Variants in COL5A3 observed in about 807,000 individuals in gnomAD.
COL5A3 encodes the protein collagen type V alpha 3 chain, also known as collagen alpha-3(V) chain.
COL5A3 carries 172 observed loss-of-function variants against 250.0 expected under a neutral mutation model. The observed-to-expected ratio is 0.69, with a 90% CI of 0.61 to 0.78. The LOEUF is 0.78. COL5A3 is among the 30% of genes least tolerant of loss of function. COL5A3 has a pLI of 0.00. For synonymous variants in COL5A3, 937 were observed against 900.4 expected, an observed-to-expected ratio of 1.04 and a Z score of -0.73; for missense variants, 2,340 against 2,334.4, an observed-to-expected ratio of 1.00 and a Z score of -0.05.
intron 10 of COL5A3, 101 bp from the exon 11 acceptor site, chr19:9,997,534 C>T: frequency 1.4e-6 from 1 of 715,552 alleles, no homozygotes; most frequent in Non-Finnish European, 2.3e-6. Flanking sequence ...ACCTCCCTAC[C>T]CCACTACAGA....
chr19:9,996,481 T>TG lies in COL5A3; in HGVS notation c.1373dup (p.Val459SerfsTer89). ...GAGCCTGGGCCTGCTGGAATGAGACTGGGGGGCCTTTAAAGGAGCCGCCTG... is the reference window on the plus strand; with the variant it reads ...GAGCCTGGGCCTGCTGGAATGAGACTGGGGGGGCCTTTAAAGGAGCCGCCTG... On this transcript the variant is annotated frameshift_variant, in exon 13 of 67. Coordinates refer to ENST00000264828, the MANE Select transcript of COL5A3 (RefSeq NM_015719.4). LOFTEE classifies it high-confidence loss of function. 2 of 1,614,018 alleles carry TG rather than the reference T, an allele frequency of 1.2e-6. No homozygotes were observed. The highest frequency in any genetic ancestry group is 1.7e-6 in the Non-Finnish European group (2 of 1,179,984).
intron 64 of COL5A3, among the ~76,000 whole-genome samples, chr19:9,963,951 T>C (rs1233128222): frequency 6.6e-6 from 1 of 152,000 alleles, no homozygotes. Flanking sequence ...GGTGGATCAC[T>C]CGAGGCCATG....
chr19:9,970,887 C>T, intron 53 of COL5A3, 88 bp downstream of exon 53: 2 of 1,269,532 alleles, frequency 1.6e-6, no homozygotes, highest in Non-Finnish European at 2.2e-6. Flanking sequence ...GGGTACCCCA[C>T]TAGCCCACTC....
chr19:9,999,469 C>CTTTTT (rs530527039), intron 8 of COL5A3, among the ~76,000 whole-genome samples: 2,614 of 120,360 alleles, frequency 0.022, 200 homozygotes, highest in African/African-American at 0.085. Context: ...TTTCTTTTTT[C>CTTTTT]TTTTTTTTTT....
intron 18 of COL5A3, 23 bp from the exon 19 acceptor site, chr19:9,993,456 T>G (rs2087224300): frequency 6.2e-7 from 1 of 1,612,412 alleles, no homozygotes; most frequent in Admixed American, 1.7e-5. Context: ...CAGAGGGGAG[T>G]TCAGAGTGGA....
At chr19:9,969,039 G>A (rs2086792825) in intron 57 of COL5A3, among the ~76,000 whole-genome samples, 1 of 152,160 alleles carries the variant, frequency 6.6e-6, no homozygotes, top group South Asian at 2.1e-4. Context: ...GACCATCAAG[G>A]TGGAGTATTA....
chr19:9,997,918 C>T, intron 10 of COL5A3, 66 bp downstream of exon 10: 10 of 1,565,080 alleles, frequency 6.4e-6, no homozygotes, highest in Non-Finnish European at 8.8e-6. Flanking sequence ...CTCCTCACTC[C>T]AGGGGATTAA....
chr19:9,994,052 G>T (rs972182686), intron 16 of COL5A3, among the ~76,000 whole-genome samples: 7 of 151,988 alleles, frequency 4.6e-5, no homozygotes, highest in Non-Finnish European at 1.0e-4. Flanking sequence ...AGATGGTGGG[G>T]GTTTCACCCT....
intron 28 of COL5A3, 40 bp from the exon 29 acceptor site, chr19:9,986,646 G>A (rs1428288415): frequency 6.2e-7 from 1 of 1,613,618 alleles, no homozygotes; most frequent in East Asian, 2.2e-5. Context: ...AGGGCCTCGG[G>A]GAAGGGACAC....
At chr19:9,993,493 C>T in intron 18 of COL5A3, 60 bp from the exon 19 acceptor site, 2 of 1,595,764 alleles carry the variant, frequency 1.3e-6, no homozygotes, top group Non-Finnish European at 1.7e-6. Context: ...GACCAGCCCC[C>T]TGGGAAGGCA....
At position 9,977,403 on chromosome 19, in the gene COL5A3, G is replaced by A. The variant is rs1405983913; in HGVS notation, c.3196C>T (p.Pro1066Ser). Residue 1066 changes from proline to serine, a missense_variant, in exon 43 of 67, where the codon CCT becomes TCT. Around this residue, in one of 3 missense-constraint regions of COL5A3, gnomAD observed 1,179 missense variants for 1,162.6 expected, o/e 1.01. Transcript: ENST00000264828. ...IPGPLGPLGP[P>S]GAAGPSGEEG... ...TCGCCAGAAGGCCCAGCAGCTCCAG[G>A]GGGTCCCAGAGGCCCCAGGGGCCCT... The A allele has an allele frequency of 1.5e-5, 24 of 1,554,912 alleles. No homozygotes were observed. The highest frequency in any genetic ancestry group is 2.0e-5 in the Non-Finnish European group (23 of 1,150,164).
chr19:10,005,477 C>T (rs1030237380), intron 4 of COL5A3, 81 bp downstream of exon 4: 8 of 1,423,050 alleles, frequency 5.6e-6, no homozygotes, highest in Non-Finnish European at 4.9e-6. Context: ...CATCTTCCTT[C>T]TTTAATATCC....
chr19:9,972,174 C>T (rs1489846835), intron 51 of COL5A3, among the ~76,000 whole-genome samples: 1 of 152,180 alleles, frequency 6.6e-6, no homozygotes, highest in African/African-American at 2.4e-5. Context: ...CATTAATTTA[C>T]TCATTCATCC....
Position 9,977,636 on chromosome 19 carries a change from G to A in COL5A3, c.3084C>T (p.Gly1028=). Residue 1028 remains glycine, a synonymous_variant, in exon 42 of 67, where the codon GGC becomes GGT. Coordinates refer to ENST00000264828, the MANE Select transcript of COL5A3 (RefSeq NM_015719.4). ...CTGCAGGGCCAACGGGGCCTTCGCT[G>A]CCACTTTGGCCAGGAAGTCCAATGC... The part of the protein sequence containing the change: ...AGGIGLPGQS[G]SEGPVGPAGK... 6.2e-7 allele frequency: 1 copy of A among 1,607,262 alleles called. No homozygotes were observed. The highest frequency in any genetic ancestry group is 8.5e-7 in the Non-Finnish European group (1 of 1,176,588).
chr19:9,993,728 T>A (rs774517096), intron 17 of COL5A3, 25 bp downstream of exon 17: 5 of 1,613,952 alleles, frequency 3.1e-6, no homozygotes, highest in Non-Finnish European at 4.2e-6. Context: ...TCCCACCAAG[T>A]CTTATCTCAG....
At chr19:9,961,926 T>C (rs1041674084) in intron 65 of COL5A3, among the ~76,000 whole-genome samples, 9 of 152,194 alleles carry the variant, frequency 5.9e-5, no homozygotes, top group African/African-American at 2.2e-4. Context: ...AGAAAGCTTA[T>C]GCTTGGAACA....
At chr19:9,982,334 G>A (rs2087023126) in intron 31 of COL5A3, among the ~76,000 whole-genome samples, 1 of 151,984 alleles carries the variant, frequency 6.6e-6, no homozygotes, top group Middle Eastern at 3.2e-3. Flanking sequence ...ACTGGCTGCT[G>A]TCTTTGGCTG....
At position 9,976,558 on chromosome 19, in the gene COL5A3, C is replaced by A; in HGVS notation, c.3342G>T (p.Pro1114=). The A allele has an allele frequency of 6.4e-7, 1 of 1,567,104 alleles. No individual in the cohort carries two copies. The highest frequency in any genetic ancestry group is 2.4e-5 in the East Asian group (1 of 42,506). ...IRGPAGHPGP[P]GADGAQGRRG... The stretch of plus-strand genomic sequence containing the variant: ...GGACTGAAAAGATGGGGGCACTCAC[C>A]GGGGGACCTGGGTGTCCTGCAGGAC... The change falls in exon 45 of 67, where the codon CCG becomes CCT. Residue 1114 remains proline (P), a splice_region_variant and synonymous_variant. Coordinates refer to ENST00000264828, the MANE Select transcript of COL5A3 (RefSeq NM_015719.4).
chr19:10,006,164 G>A lies in COL5A3; in HGVS notation c.156C>T (p.Gly52=), dbSNP rs2087440744. The A allele has an allele frequency of 6.2e-6, 10 of 1,611,118 alleles. No individual in the cohort carries two copies. Among genetic ancestry groups the A allele is most frequent in the Non-Finnish European group, 8.5e-6 (10 of 1,178,768 alleles). The change falls in exon 2 of 67, where the codon GGC becomes GGT. Residue 52 remains glycine (G), a synonymous_variant. Coordinates refer to ENST00000264828, the MANE Select transcript of COL5A3 (RefSeq NM_015719.4). ...CCTCTGGAGTCCTCTGGGGACAGAA[G>A]CCAGGCCCCTCGGGGACCCCAGCCT... ...GGQAGVPEGP[G]FCPQRTPEGD...
Sources: allele counts gnomAD v4.1 joint callset (sites outside exome capture counted in the v4.1 genomes callset), GRCh38; gene constraint gnomAD v4.1.1; regional missense constraint gnomAD v4.1.1; transcripts MANE v1.5; gene names NCBI Gene and HGNC (gene_info 2026-07-23, HGNC 2026-07-21).